The following CYP20A1 variants were observed in gnomAD, a reference collection of about 807,000 sequenced individuals.
The protein encoded by CYP20A1 is cytochrome P450 family 20 subfamily A member 1, also known as cytochrome P450 20A1.
In CYP20A1, 61 loss-of-function variants were observed where a neutral mutation model predicts 61.4. The observed-to-expected ratio is 0.99, with a 90% CI of 0.81 to 1.23. The LOEUF is 1.23. CYP20A1 is among the 50% of genes most tolerant of loss of function. The pLI is 0.00. For synonymous variants in CYP20A1, 193 were observed against 188.2 expected, an observed-to-expected ratio of 1.03 and a Z score of -0.21; for missense variants, 530 against 542.4, an observed-to-expected ratio of 0.98 and a Z score of 0.23.
At chr2:203,296,352 T>C (rs1043999385) in intron 11 of CYP20A1, 122 bp from the exon 12 acceptor site, 9 of 567,400 alleles carry the variant, frequency 1.6e-5, no homozygotes, top group African/African-American at 1.3e-4. Context: ...TTAAATATAA[T>C]GTAAGAGCAC....
At chr2:203,251,814 TATAA>T (rs940037172) in intron 3 of CYP20A1, among the ~76,000 whole-genome samples, 149 bp from the exon 4 acceptor site, 14 of 107,000 alleles carry the variant, frequency 1.3e-4, no homozygotes, top group Non-Finnish European at 1.5e-4. Context: ...TATATATATA[TATAA>T]AAAATAAAAA....
chr2:203,246,617 G>T, intron 2 of CYP20A1, 138 bp from the exon 3 acceptor site: 1 of 799,814 alleles, frequency 1.3e-6, no homozygotes. Flanking sequence ...ATATAATTGA[G>T]TTTTGGATTT....
At chr2:203,294,940 A>ATTTTTTTTTTTT (rs1559110323) in intron 11 of CYP20A1, among the ~76,000 whole-genome samples, 6 of 91,232 alleles carry the variant, frequency 6.6e-5, no homozygotes, top group African/African-American at 2.7e-4. Context: ...CCTTTAAAAA[A>ATTTTTTTTTTTT]ATTTTTTTTT....
intron 5 of CYP20A1, among the ~76,000 whole-genome samples, chr2:203,270,383 T>A (rs189328169): frequency 6.6e-6 from 1 of 152,272 alleles, no homozygotes; most frequent in East Asian, 1.9e-4. Context: ...ATCACCATGT[T>A]GCCCAGACTG....
At chr2:203,262,386 G>T (rs577228717) in intron 4 of CYP20A1, among the ~76,000 whole-genome samples, 19 of 152,236 alleles carry the variant, frequency 1.2e-4, no homozygotes, top group African/African-American at 4.6e-4. Flanking sequence ...GAGGCAGAAA[G>T]AATGAATTTA....
rs2068965134 is a variant in CYP20A1 at position 203,300,173 on chromosome 2, G to C, written c.*3265G>C. Among the ~76,000 whole-genome samples the C allele has an allele frequency of 6.6e-6, 1 of 152,204 alleles. No individual in the cohort carries two copies. Among genetic ancestry groups the C allele is most frequent in the Admixed American group, 6.6e-5 (1 of 15,264 alleles). ...CATAACTGCCAATAAATGAGGCAGT[G>C]TAGAATAACTAATAATGATTGGAAT... is the stretch of plus-strand genomic sequence containing the variant. On this transcript the variant is annotated 3_prime_UTR_variant, in exon 13 of 13. Transcript: ENST00000356079.
chr2:203,249,358 C>T (rs1409433834), intron 3 of CYP20A1, among the ~76,000 whole-genome samples: 2 of 151,994 alleles, frequency 1.3e-5, no homozygotes. Context: ...AAATTAAAAA[C>T]AAAGTCAAAA....
At chr2:203,296,432 C>A in intron 11 of CYP20A1, 42 bp from the exon 12 acceptor site, 1 of 1,213,962 alleles carries the variant, frequency 8.2e-7, no homozygotes, top group South Asian at 1.3e-5. Flanking sequence ...TGTAAGATGC[C>A]AGTGGAGCTA....
intron 3 of CYP20A1, among the ~76,000 whole-genome samples, chr2:203,247,400 A>G (rs1047875558): frequency 3.9e-5 from 6 of 152,248 alleles, no homozygotes; most frequent in African/African-American, 1.4e-4. Context: ...AATTTAAGAT[A>G]GTATTTTAAA....
Position 203,301,473 on chromosome 2 carries a change from G to T in CYP20A1, c.*4565G>T, listed in dbSNP as rs565152436. Reference sequence around the variant, plus strand: ...TTTTTTTGAGACAGGGTCTCCCTGCGTCGCCCAGTCTTGTCTCAAACTCCT... The same window carrying T: ...TTTTTTTGAGACAGGGTCTCCCTGCTTCGCCCAGTCTTGTCTCAAACTCCT... On this transcript the variant is annotated 3_prime_UTR_variant, in exon 13 of 13. Coordinates refer to ENST00000356079, the MANE Select transcript of CYP20A1 (RefSeq NM_177538.3). Among the ~76,000 whole-genome samples, 1 of 151,694 alleles carries T rather than the reference G, an allele frequency of 6.6e-6. No homozygotes were observed. The highest frequency in any genetic ancestry group is 2.4e-5 in the African/African-American group (1 of 41,268).
At chr2:203,272,910 C>T (rs866759951) in intron 6 of CYP20A1, among the ~76,000 whole-genome samples, 162 bp downstream of exon 6, 3 of 149,374 alleles carry the variant, frequency 2.0e-5, no homozygotes, top group African/African-American at 5.0e-5. Flanking sequence ...TGCAGTGGTG[C>T]GATCTCGGCC....
intron 6 of CYP20A1, among the ~76,000 whole-genome samples, chr2:203,274,489 A>G (rs1253872211): frequency 6.6e-6 from 1 of 152,124 alleles, no homozygotes; most frequent in African/African-American, 2.4e-5. Context: ...TCCGGCCAAT[A>G]CTTTTATTCT....
intron 8 of CYP20A1, among the ~76,000 whole-genome samples, chr2:203,285,135 C>T (rs2068213056): frequency 6.6e-6 from 1 of 152,080 alleles, no homozygotes; most frequent in African/African-American, 2.4e-5. Flanking sequence ...TATTTACCAT[C>T]ACAAGTAAAT....
At chr2:203,270,572 AAAT>A (rs907887029) in intron 5 of CYP20A1, among the ~76,000 whole-genome samples, 1 of 151,976 alleles carries the variant, frequency 6.6e-6, no homozygotes, top group Non-Finnish European at 1.5e-5. Flanking sequence ...TATTTATAGT[AAAT>A]AAAAGTTTTG....
chr2:203,270,140 G>A (rs2067502707), intron 5 of CYP20A1, among the ~76,000 whole-genome samples: 1 of 151,938 alleles, frequency 6.6e-6, no homozygotes, highest in South Asian at 2.1e-4. Flanking sequence ...CATTCTTTTA[G>A]TCCCAACTGC....
In CYP20A1 at chr2:203,298,004, A is replaced by G. The variant is rs878986364; in HGVS notation, c.*1096A>G. On this transcript the variant is annotated 3_prime_UTR_variant, in exon 13 of 13. Coordinates refer to ENST00000356079, the MANE Select transcript of CYP20A1 (RefSeq NM_177538.3). ...TGTCTCAAGAAAAACAAAAAAAAAG[A>G]TAAATGGACAAAAGACATGAACAAA... The G allele has an allele frequency of 6.6e-6, 1 of 151,994 alleles. No homozygotes were observed. The highest frequency in any genetic ancestry group is 2.4e-5 in the African/African-American group (1 of 41,344). 9.4% of individuals were successfully genotyped at this position (151,994 alleles called of 1,614,324 possible).
chr2:203,287,902 C>G (rs1305937908), intron 9 of CYP20A1, among the ~76,000 whole-genome samples: 1 of 151,288 alleles, frequency 6.6e-6, no homozygotes, highest in African/African-American at 2.4e-5. Context: ...TGTATAGATT[C>G]TCTTTTCGTC....
rs570447396 is a variant in CYP20A1, at chr2:203,261,868, A to G, written c.433-4646A>G. 4.0e-3 allele frequency among the ~76,000 whole-genome samples: 604 copies of G among 152,042 alleles called. 3 individuals are homozygous for G. The highest frequency in any genetic ancestry group is 0.014 in the African/African-American group (588 of 41,470). On this transcript the variant is annotated intron_variant, in intron 4 of 12. Transcript: ENST00000356079. ...GGGTGGTGGGGAAAGCTGTTCGTGG[A>G]GAGGTGTCTCACCTGAGGCACAACT...
In CYP20A1 at chr2:203,245,439, T is replaced by G. The variant is rs367650812; in HGVS notation, c.73-407T>G. Among the ~76,000 whole-genome samples, 24 of 152,118 alleles carry G rather than the reference T, an allele frequency of 1.6e-4. No individual in the cohort carries two copies. The East Asian group carries it at 4.4e-3, about 28-fold the overall frequency. ...TATCAAGGGGGTTTGTTGTACAGATTATTTCATCACCCAGGTAATTATTAA... is the reference window on the plus strand; with the variant it reads ...TATCAAGGGGGTTTGTTGTACAGATGATTTCATCACCCAGGTAATTATTAA... On this transcript the variant is annotated intron_variant, in intron 1 of 12. Coordinates refer to ENST00000356079, the MANE Select transcript of CYP20A1 (RefSeq NM_177538.3).
Sources: gnomAD v4.1 joint callset for allele counts (sites outside exome capture counted in the v4.1 genomes callset) on GRCh38, gnomAD v4.1.1 for gene constraint, MANE v1.5 for transcripts, NCBI Gene and HGNC (gene_info 2026-07-23, HGNC 2026-07-21) for gene names.